Variants in HIPK1 observed in about 807,000 individuals in gnomAD.
HIPK1 encodes homeodomain interacting protein kinase 1, also known as homeodomain-interacting protein kinase 1.
A neutral mutation model predicts 117.1 loss-of-function variants in HIPK1; 28 were observed. The observed-to-expected ratio is 0.24, with a 90% confidence interval of 0.18 to 0.33. HIPK1 has a LOEUF of 0.33. Among genes scored for constraint, HIPK1 ranks in the 10% least tolerant of loss-of-function variants. The pLI is 1.00. For synonymous variants in HIPK1, 605 were observed against 562.5 expected (o/e 1.08, Z -1.07); for missense variants, 1,122 against 1,475.1 (o/e 0.76, Z 3.92).
chr1:113,969,839 T>G, intron 13 of HIPK1, 117 bp from the exon 14 acceptor site: 8 of 1,117,678 alleles, frequency 7.2e-6, no homozygotes, highest in Non-Finnish European at 9.2e-6. Flanking sequence ...CCCAGGAGGT[T>G]GAGGTCGCAG....
chr1:113,958,609 A>G (rs1352550462), intron 8 of HIPK1, among the ~76,000 whole-genome samples: 1 of 152,216 alleles, frequency 6.6e-6, no homozygotes, highest in East Asian at 1.9e-4. Context: ...AATATGCAAA[A>G]TCTATACAAC....
At position 113,977,140 on chromosome 1, in the gene HIPK1, A is replaced by T. The variant is rs1673181395; in HGVS notation, c.*3628A>T. ...AATGTGTGTTTTGTTCAGCATTATT[A>T]TGCAAAAATTCACTAGTTGAGATGG... On this transcript the variant is annotated 3_prime_UTR_variant, in exon 16 of 16. Coordinates refer to ENST00000426820, the MANE Select transcript of HIPK1 (RefSeq NM_198268.3). 3 of 152,714 alleles carry T rather than the reference A, an allele frequency of 2.0e-5. No individual in the cohort carries two copies. The Admixed American group carries it at 2.0e-4, about 10-fold the overall frequency. 9.5% of individuals were successfully genotyped at this position (152,714 alleles called of 1,614,324 possible).
At chr1:113,939,218 G>T (rs1331913868) in intron 1 of HIPK1, among the ~76,000 whole-genome samples, 1 of 151,710 alleles carries the variant, frequency 6.6e-6, no homozygotes, top group East Asian at 1.9e-4. Flanking sequence ...GCAGTGGCAC[G>T]ATCACAGCTC....
chr1:113,937,301 A>G (rs568341478), intron 1 of HIPK1, among the ~76,000 whole-genome samples: 9 of 152,346 alleles, frequency 5.9e-5, no homozygotes, highest in African/African-American at 2.2e-4. Flanking sequence ...GCACAAAGAA[A>G]TGTACTTACT....
chr1:113,950,529 G>C (rs1012349060), intron 2 of HIPK1, among the ~76,000 whole-genome samples: 2 of 152,128 alleles, frequency 1.3e-5, no homozygotes, highest in Non-Finnish European at 2.9e-5. Flanking sequence ...TGTTGAGATG[G>C]AGTCTCGCTC....
intron 1 of HIPK1, among the ~76,000 whole-genome samples, chr1:113,939,790 A>G (rs1300041638): frequency 6.6e-6 from 1 of 152,110 alleles, no homozygotes; most frequent in African/African-American, 2.4e-5. Flanking sequence ...TTTATTCTGA[A>G]AAAATAGCTT....
chr1:113,947,500 T>A (rs1212289719), intron 2 of HIPK1, among the ~76,000 whole-genome samples: 1 of 152,232 alleles, frequency 6.6e-6, no homozygotes, highest in African/African-American at 2.4e-5. Context: ...TTAGGTTTTA[T>A]GTAACCTCTC....
Position 113,973,441 on chromosome 1 carries a change from TC to T in HIPK1, c.3565del (p.Arg1189GlufsTer11). ...TGCCACCCAATCCTACATTGGGTCT[TC>T]CCGAGGCTCAACAATTTACACTGGA... Reference protein sequence around the residue: ...QFATQSYIGSSRGSTIYTGYP... With the variant: ...QFATQSYIGSXRGSTIYTGYP... On this transcript the variant is annotated frameshift_variant, in exon 16 of 16. Transcript: ENST00000426820. LOFTEE classifies it high-confidence loss of function. The T allele has an allele frequency of 1.9e-6, 3 of 1,613,934 alleles. No individual in the cohort carries two copies. Among genetic ancestry groups the T allele is most frequent in the Non-Finnish European group, 2.5e-6 (3 of 1,179,866 alleles).
rs1228996916 is a variant in HIPK1, at chr1:113,976,631, AT to A, written c.*3122del. 1 of 152,782 alleles carries A rather than the reference AT, an allele frequency of 6.5e-6. No individual in the cohort carries two copies. The highest frequency in any genetic ancestry group is 1.5e-5 in the Non-Finnish European group (1 of 68,066). 9.5% of individuals were successfully genotyped at this position (152,782 alleles called of 1,614,324 possible). ...TTTCAGTCTTAGTCTGCAAACTGGC[AT>A]TTCCGATTTTCCAGCATAAAAATCC... On this transcript the variant is annotated 3_prime_UTR_variant, in exon 16 of 16. Transcript: ENST00000426820.
chr1:113,961,248 G>A (rs187363381), intron 8 of HIPK1, among the ~76,000 whole-genome samples: 1 of 152,232 alleles, frequency 6.6e-6, no homozygotes, highest in East Asian at 1.9e-4. Flanking sequence ...AGAAGACATG[G>A]TTATTGTTAT....
chr1:113,949,771 T>C (rs1427720595), intron 2 of HIPK1, among the ~76,000 whole-genome samples: 1 of 152,036 alleles, frequency 6.6e-6, no homozygotes, highest in Non-Finnish European at 1.5e-5. Context: ...GCTGATTTTT[T>C]ATATTTTTAG....
intron 8 of HIPK1, 113 bp from the exon 9 acceptor site, chr1:113,962,204 G>A (rs1185512309): frequency 1.8e-6 from 2 of 1,081,152 alleles, no homozygotes; most frequent in Admixed American, 4.8e-5. Context: ...AAGTGTCTAG[G>A]ATTAAAACCT....
chr1:113,968,858 T>TA (rs1411408607), intron 13 of HIPK1, among the ~76,000 whole-genome samples: 1 of 152,106 alleles, frequency 6.6e-6, no homozygotes, highest in African/African-American at 2.4e-5. Flanking sequence ...CTGTCTCTAC[T>TA]AAAAATACAA....
intron 2 of HIPK1, among the ~76,000 whole-genome samples, chr1:113,947,374 G>A (rs1200112525): frequency 6.6e-6 from 1 of 152,102 alleles, no homozygotes; most frequent in African/African-American, 2.4e-5. Context: ...TGTTACTTAC[G>A]GAAGGAAAAG....
At chr1:113,963,012 A>G (rs1327460900) in intron 9 of HIPK1, among the ~76,000 whole-genome samples, 1 of 152,234 alleles carries the variant, frequency 6.6e-6, no homozygotes, top group Admixed American at 6.5e-5. Context: ...TTAAATAGCA[A>G]CAAACAGTAT....
intron 8 of HIPK1, among the ~76,000 whole-genome samples, chr1:113,959,270 G>C (rs1021362792): frequency 7.0e-6 from 1 of 143,790 alleles, no homozygotes; most frequent in African/African-American, 2.5e-5. Flanking sequence ...GATAGAGTCG[G>C]AGCAAGCAGA....
intron 9 of HIPK1, 64 bp from the exon 10 acceptor site, chr1:113,963,323 C>G: frequency 3.2e-6 from 5 of 1,573,498 alleles, no homozygotes; most frequent in Non-Finnish European, 4.3e-6. Flanking sequence ...GAATGAGAAC[C>G]CTTCTGAATC....
intron 2 of HIPK1, 37 bp from the exon 3 acceptor site, chr1:113,952,729 T>C: frequency 7.2e-7 from 1 of 1,385,268 alleles, no homozygotes; most frequent in Non-Finnish European, 9.5e-7. Flanking sequence ...AAATAATGTT[T>C]TTTTTTTTTT....
At chr1:113,960,761 ATATTGT>A (rs1672049914) in intron 8 of HIPK1, among the ~76,000 whole-genome samples, 2 of 152,156 alleles carry the variant, frequency 1.3e-5, no homozygotes, top group South Asian at 4.1e-4. Flanking sequence ...ATAAAAAAAG[ATATTGT>A]TAGTGTTTTA....
Sources: gnomAD v4.1 joint callset for allele counts (sites outside exome capture counted in the v4.1 genomes callset) on GRCh38, gnomAD v4.1.1 for gene constraint, MANE v1.5 for transcripts, NCBI Gene and HGNC (gene_info 2026-07-23, HGNC 2026-07-21) for gene names.